Variants in TEX11 observed in about 807,000 individuals in gnomAD.
TEX11 encodes testis-expressed protein 11.
Under a neutral mutation model 84.4 loss-of-function variants are expected in TEX11, and 7 were observed. That is an observed-to-expected ratio of 0.08 (90% CI 0.05 to 0.16). The LOEUF (loss-of-function observed/expected upper bound fraction) is 0.16. TEX11 is among the 10% of genes least tolerant of loss of function. The pLI, the probability that TEX11 is intolerant of heterozygous loss-of-function variation, is 1.00. For synonymous variants in TEX11, 264 were observed against 222.8 expected (o/e 1.18, Z -1.64); for missense variants, 551 against 660.5 (o/e 0.83, Z 1.82).
At chrX:70,746,511 T>A (rs755411468) in intron 9 of TEX11, among the ~76,000 whole-genome samples, 3 of 111,716 alleles carry the variant, frequency 2.7e-5, no homozygotes, top group Non-Finnish European at 5.6e-5. Flanking sequence ...TTTACTAATA[T>A]GGTAGGGGTG....
At chrX:70,870,210 A>G (rs2091622556) in intron 4 of TEX11, among the ~76,000 whole-genome samples, 1 of 112,271 alleles carries the variant, frequency 8.9e-6, no homozygotes, top group South Asian at 3.7e-4. Flanking sequence ...CTCAAGCATA[A>G]TTTAAGATTG....
rs370307636 is a variant in TEX11 at position 70,629,626 on chromosome X, G to A, written c.1593C>T (p.Ala531=). 1.6e-5 allele frequency: 19 copies of A among 1,206,239 alleles called. No individual in the cohort carries two copies. The highest frequency in any genetic ancestry group is 2.1e-5 in the Non-Finnish European group (19 of 893,542). ...TATGAATTACCTCTAGAGCAAACTG[G>A]GCAGCTAAACTTAGAAGCATGGTAG... ...GSPTMLLSLA[A]QFALENGQQI... is the part of the protein sequence containing the mutation. Residue 531 remains alanine, a synonymous_variant, in exon 18 of 30, where the codon GCC becomes GCT. Coordinates refer to ENST00000374333, the MANE Select transcript of TEX11 (RefSeq NM_031276.3).
the TEX11 span, among the ~76,000 whole-genome samples, chrX:70,517,139 C>G: frequency 2.7e-5 from 3 of 111,341 alleles, no homozygotes; most frequent in African/African-American, 6.5e-5. Context: ...ATTGCCCTGG[C>G]CAGAACTTCC....
Position 70,883,572 on chromosome X carries a change from A to G in TEX11, c.38-3463T>C, listed in dbSNP as rs758337205. Among the ~76,000 whole-genome samples the G allele has an allele frequency of 5.4e-5, 6 of 111,380 alleles. No homozygotes were observed. The East Asian group carries it at 1.4e-3, about 26-fold the overall frequency. On this transcript the variant is annotated intron_variant, in intron 2 of 29. Transcript: ENST00000374333. ...TTGCACTCCAGCCTAAGCGGCAGAG[A>G]CTGTCTCAAATACAAAATGCAGTCT...
At chrX:70,653,109 G>A (rs2147610637) in intron 16 of TEX11, among the ~76,000 whole-genome samples, 1 of 111,404 alleles carries the variant, frequency 9.0e-6, no homozygotes, top group South Asian at 3.7e-4. Context: ...AGATAACATA[G>A]GAGAAATTTT....
At chrX:70,669,338 G>T (rs1174963321) in intron 16 of TEX11, among the ~76,000 whole-genome samples, 1 of 111,832 alleles carries the variant, frequency 8.9e-6, no homozygotes, top group Admixed American at 9.5e-5. Flanking sequence ...CTCTGTGATT[G>T]CCTTCTTTAT....
intron 8 of TEX11, among the ~76,000 whole-genome samples, chrX:70,828,909 A>C (rs2091361019): frequency 8.9e-6 from 1 of 111,839 alleles, no homozygotes; most frequent in Non-Finnish European, 1.9e-5. Context: ...ACTTATCAGC[A>C]GAAACTTTAC....
At chrX:70,734,269 G>A (rs1288625406) in intron 11 of TEX11, among the ~76,000 whole-genome samples, 3 of 108,703 alleles carry the variant, frequency 2.8e-5, no homozygotes, top group Non-Finnish European at 5.7e-5. Context: ...ATACCTGCAC[G>A]TCGTGCACAT....
chrX:70,699,189 C>A (rs1440519000), intron 13 of TEX11, among the ~76,000 whole-genome samples: 3 of 111,274 alleles, frequency 2.7e-5, no homozygotes, highest in Non-Finnish European at 5.7e-5. Context: ...CCAGCCTAGA[C>A]AACAGACACA....
At chrX:70,850,462 C>T (rs1485247137) in intron 7 of TEX11, among the ~76,000 whole-genome samples, 1 of 110,020 alleles carries the variant, frequency 9.1e-6, no homozygotes, top group Non-Finnish European at 1.9e-5. Flanking sequence ...ATAGGTCTGG[C>T]CAGTCGCAGT....
At chrX:70,599,201 TA>T (rs2089054149) in intron 24 of TEX11, among the ~76,000 whole-genome samples, 1 of 110,205 alleles carries the variant, frequency 9.1e-6, no homozygotes, top group African/African-American at 3.4e-5. Context: ...AATAAATAAA[TA>T]AAATAAAGAA....
the TEX11 span, among the ~76,000 whole-genome samples, chrX:70,517,026 G>A: frequency 2.0e-4 from 22 of 111,949 alleles, no homozygotes; most frequent in Middle Eastern, 4.6e-3. Context: ...TTGGGGCTAA[G>A]ATGATGGGGT....
intron 9 of TEX11, among the ~76,000 whole-genome samples, chrX:70,777,123 C>T (rs1014288919): frequency 4.0e-4 from 43 of 107,885 alleles, no homozygotes; most frequent in Admixed American, 1.1e-3. Context: ...GGCATTCTAC[C>T]TACCTCAGTC....
the TEX11 span, among the ~76,000 whole-genome samples, chrX:70,511,612 A>G: frequency 1.9e-5 from 2 of 105,581 alleles, no homozygotes; most frequent in Admixed American, 1.0e-4. Context: ...AATTAGCCAG[A>G]TGTGGTGGCA....
At chrX:70,705,418 C>T (rs1161383716) in intron 13 of TEX11, among the ~76,000 whole-genome samples, 4 of 110,929 alleles carry the variant, frequency 3.6e-5, no homozygotes, top group Non-Finnish European at 7.6e-5. Context: ...TTGATTCTTC[C>T]TATGCAAAAG....
intron 7 of TEX11, among the ~76,000 whole-genome samples, chrX:70,841,967 T>G (rs2091447868): frequency 9.0e-6 from 1 of 111,170 alleles, no homozygotes; most frequent in Admixed American, 9.6e-5. Flanking sequence ...AATAACAGGC[T>G]CTGAAATTGT....
At chrX:70,613,026 T>G (rs920790160) in intron 20 of TEX11, among the ~76,000 whole-genome samples, 6 of 111,730 alleles carry the variant, frequency 5.4e-5, no homozygotes, top group Non-Finnish European at 1.1e-4. Flanking sequence ...CTGAAGCAAA[T>G]TATTTAAATG....
intron 4 of TEX11, among the ~76,000 whole-genome samples, chrX:70,867,609 C>A (rs747849517): frequency 9.0e-6 from 1 of 111,530 alleles, no homozygotes; most frequent in East Asian, 2.8e-4. Flanking sequence ...CATCACACTA[C>A]CTGACTTCAA....
intron 26 of TEX11, 22 bp from the exon 27 acceptor site, chrX:70,553,436 G>T: frequency 1.8e-6 from 2 of 1,092,467 alleles, no homozygotes; most frequent in Non-Finnish European, 2.5e-6. Context: ...AAAGGAAAAA[G>T]GTTGTGAACA....
Sources: allele counts gnomAD v4.1 joint callset (sites outside exome capture counted in the v4.1 genomes callset), GRCh38; gene constraint gnomAD v4.1.1; transcripts MANE v1.5; gene names NCBI Gene and HGNC (gene_info 2026-07-23, HGNC 2026-07-21).